ZFR2: variants seen among roughly 807,000 people sequenced by gnomAD.
ZFR2 encodes zinc finger RNA binding protein 2.
ZFR2 carries 104 observed loss-of-function variants against 105.7 expected under a neutral mutation model. The ratio of observed to expected loss-of-function variants is 0.98; its 90% CI spans 0.84 to 1.16. The LOEUF (loss-of-function observed/expected upper bound fraction) is 1.16, where lower values mean the gene tolerates loss of function less well. ZFR2 is among the 50% of genes most tolerant of loss of function. ZFR2 has a pLI of 0.00. For synonymous variants in ZFR2, 634 were observed against 597.7 expected, an observed-to-expected ratio of 1.06 and a Z score of -0.89; for missense variants, 1,425 against 1,355.5, an observed-to-expected ratio of 1.05 and a Z score of -0.80.
intron 10 of ZFR2, among the ~76,000 whole-genome samples, chr19:3,820,754 G>A (rs1008940379): frequency 1.8e-4 from 27 of 150,786 alleles, no homozygotes; most frequent in African/African-American, 6.7e-4. Flanking sequence ...AGGAGACACA[G>A]GAACACCAGG....
intron 1 of ZFR2, among the ~76,000 whole-genome samples, chr19:3,867,999 C>G (rs1161746506): frequency 2.0e-5 from 3 of 151,980 alleles, no homozygotes; most frequent in African/African-American, 4.8e-5. Flanking sequence ...TGCCCCCTGC[C>G]CAGTCGGGAA....
chr19:3,836,310 C>T (rs1056467606), intron 1 of ZFR2, among the ~76,000 whole-genome samples: 3 of 151,998 alleles, frequency 2.0e-5, no homozygotes, highest in Non-Finnish European at 2.9e-5. Flanking sequence ...GAAGGCCAAC[C>T]GTATTTTCTC....
intron 18 of ZFR2, among the ~76,000 whole-genome samples, chr19:3,806,663 T>C (rs1444044440): frequency 3.9e-5 from 6 of 152,120 alleles, no homozygotes; most frequent in Admixed American, 2.0e-4. Flanking sequence ...GCCCCCCCGC[T>C]CCACTGACCA....
At chr19:3,867,348 C>T (rs1017579505) in intron 1 of ZFR2, among the ~76,000 whole-genome samples, 2 of 152,012 alleles carry the variant, frequency 1.3e-5, no homozygotes, top group East Asian at 1.9e-4. Flanking sequence ...CCCTGGCTCC[C>T]GGACTGGGAC....
At chr19:3,818,943 C>G in intron 12 of ZFR2, 102 bp downstream of exon 12, 5 of 1,425,652 alleles carry the variant, frequency 3.5e-6, no homozygotes, top group Non-Finnish European at 4.7e-6. Flanking sequence ...ACCGACGGCT[C>G]CAGGCCCATC....
chr19:3,843,589 T>G (rs1478417972), intron 1 of ZFR2, among the ~76,000 whole-genome samples: 1 of 151,354 alleles, frequency 6.6e-6, no homozygotes, highest in Non-Finnish European at 1.5e-5. Context: ...TCCCAGCACT[T>G]TGGGAGGCCG....
At chr19:3,819,670 A>G (rs1180468639) in intron 11 of ZFR2, among the ~76,000 whole-genome samples, 2 of 152,090 alleles carry the variant, frequency 1.3e-5, no homozygotes, top group East Asian at 3.9e-4. Context: ...CCTGGCCAAC[A>G]TGGTGAAACC....
chr19:3,818,584 C>T (rs919143222), intron 12 of ZFR2, among the ~76,000 whole-genome samples: 2 of 152,130 alleles, frequency 1.3e-5, no homozygotes, highest in African/African-American at 2.4e-5. Flanking sequence ...ATTACTTAGA[C>T]GACGTGGGGA....
intron 3 of ZFR2, chr19:3,833,393 T>A (rs575595540): frequency 6.5e-5 from 20 of 305,548 alleles, no homozygotes; most frequent in Non-Finnish European, 8.2e-5. Flanking sequence ...TGGCTAATAC[T>A]GTGAAACCCC....
rs754043123 is a variant in ZFR2, at chr19:3,822,120, G to C, written c.1452C>G (p.Asp484Glu). The C allele has an allele frequency of 1.2e-6, 2 of 1,610,198 alleles. No individual in the cohort carries two copies. Among genetic ancestry groups the C allele is most frequent in the East Asian group, 2.2e-5 (1 of 44,704 alleles). ...GGTGCCGCCGCCCCCTCACGTGCAGGTCCTTCGCGTTAAGGTCGTTGAAAC... is the reference window on the plus strand; with the variant it reads ...GGTGCCGCCGCCCCCTCACGTGCAGCTCCTTCGCGTTAAGGTCGTTGAAAC... ...ECSFNDLNAKDLHVRGRRHRL... is the reference protein window; with the variant it reads ...ECSFNDLNAKELHVRGRRHRL... The change falls in exon 9 of 19, where the codon GAC becomes GAG. Residue 484 changes from aspartate to glutamate, a missense_variant. By Grantham distance (45) the Asp-to-Glu change is conservative. Transcript: ENST00000262961.
intron 10 of ZFR2, among the ~76,000 whole-genome samples, chr19:3,820,664 C>G (rs1372776619): frequency 6.6e-6 from 1 of 151,498 alleles, no homozygotes; most frequent in Non-Finnish European, 1.5e-5. Flanking sequence ...GCTAGGGGAT[C>G]AGGGGGACAC....
At chr19:3,825,955 G>A (rs1341528283) in intron 6 of ZFR2, among the ~76,000 whole-genome samples, 1 of 152,080 alleles carries the variant, frequency 6.6e-6, no homozygotes, top group Non-Finnish European at 1.5e-5. Context: ...GTGTGCTGGG[G>A]ACCATCTCAG....
Position 3,834,687 on chromosome 19 carries a change from G to C in ZFR2, c.264+86C>G. 1 of 1,349,100 alleles carries C rather than the reference G, an allele frequency of 7.4e-7. No individual in the cohort carries two copies. Among genetic ancestry groups the C allele is most frequent in the South Asian group, 1.2e-5 (1 of 80,856 alleles). 83.6% of individuals were successfully genotyped at this position (1,349,100 alleles called of 1,614,324 possible). A position where few individuals can be genotyped will look rare whatever the true frequency, so the allele number is the denominator to read the frequency against. On this transcript the variant is annotated intron_variant, in intron 2 of 18. Coordinates refer to ENST00000262961, the MANE Select transcript of ZFR2 (RefSeq NM_015174.2). The surrounding 1 kb of genome is among the most constrained non-coding windows in gnomAD (Gnocchi z 5.3). ...TCACGGTTAAGAGGCCTGGGAGAAG[G>C]AGTAGCTGTGGGAAGCCCACCGCTC...
chr19:3,855,917 C>T (rs953971133), intron 1 of ZFR2, among the ~76,000 whole-genome samples: 8 of 152,154 alleles, frequency 5.3e-5, no homozygotes, highest in Non-Finnish European at 1.2e-4. Flanking sequence ...TGTCACAGGC[C>T]ATCGTAGGGG....
intron 1 of ZFR2, among the ~76,000 whole-genome samples, chr19:3,867,959 G>A (rs997948015): frequency 2.0e-5 from 3 of 151,188 alleles, no homozygotes; most frequent in South Asian, 2.1e-4. Context: ...CCACCATCAG[G>A]GGTCAGTGCC....
In ZFR2 at chr19:3,831,818, G is replaced by A. The variant is rs759519155; in HGVS notation, c.440C>T (p.Pro147Leu). The A allele has an allele frequency of 1.4e-4, 224 of 1,608,048 alleles. 1 individual carries two copies. The highest frequency in any genetic ancestry group is 1.9e-4 in the Non-Finnish European group (219 of 1,179,186). Residue 147 changes from proline to leucine, a missense_variant, in exon 4 of 19, where the codon CCA becomes CTA. Transcript: ENST00000262961. The stretch of plus-strand genomic sequence containing the variant: ...GGACTCCACTATGGGCGCCTGCTGT[G>A]GGGGCTGAGCGTGGCTGTGACTGCC... ...PHGSHSHAQP[P>L]QQAPIVESGQ... is the part of the protein sequence containing the mutation.
intron 1 of ZFR2, among the ~76,000 whole-genome samples, chr19:3,860,694 C>T (rs2038363378): frequency 6.6e-6 from 1 of 152,134 alleles, no homozygotes; most frequent in Non-Finnish European, 1.5e-5. Context: ...TACGTGCCCT[C>T]CCAGACGCAG....
chr19:3,824,176 T>C (rs938121039), intron 7 of ZFR2, among the ~76,000 whole-genome samples: 64 of 152,042 alleles, frequency 4.2e-4, no homozygotes, highest in Admixed American at 1.3e-4. Context: ...GGTGCACACC[T>C]GTAGTCCCAG....
rs140704699 is a variant in ZFR2 at position 3,806,122 on chromosome 19, C to T, written c.2647G>A (p.Ala883Thr). The change falls in exon 19 of 19, where the codon GCC becomes ACC. Residue 883 changes from alanine to threonine, a missense_variant. Transcript: ENST00000262961. ...REDVTASAQH[A>T]LRMLAFRQTH... The stretch of plus-strand genomic sequence containing the variant: ...TGCCGGAAGGCCAGCATTCGCAGGG[C>T]GTGCTGCGGGGCACACACAGCCTGT... 3.3e-4 allele frequency: 481 copies of T among 1,447,602 alleles called. No homozygotes were observed. In the African/African-American group the frequency reaches 6.0e-3, roughly 18 times the overall value. 89.7% of individuals were successfully genotyped at this position (1,447,602 alleles called of 1,614,324 possible). A position where few individuals can be genotyped will look rare whatever the true frequency, so the allele number is the denominator to read the frequency against.
Sources: gnomAD v4.1 joint callset for allele counts (sites outside exome capture counted in the v4.1 genomes callset) on GRCh38, gnomAD v4.1.1 for gene constraint, Gnocchi (gnomAD v3.1) non-coding constraint, MANE v1.5 for transcripts, NCBI Gene and HGNC (gene_info 2026-07-23, HGNC 2026-07-21) for gene names.